Variants in RABEP1 observed in about 807,000 individuals in gnomAD.
RABEP1 encodes the protein rabaptin, RAB GTPase binding effector protein 1, also known as rab GTPase-binding effector protein 1.
Under a neutral mutation model 123.4 loss-of-function variants are expected in RABEP1, and 51 were observed. The observed-to-expected ratio is 0.41, with a 90% CI of 0.33 to 0.52. The LOEUF (loss-of-function observed/expected upper bound fraction) is 0.52. RABEP1 is among the 20% of genes least tolerant of loss of function. The pLI is 0.16. For synonymous variants in RABEP1, 347 were observed against 355.2 expected (o/e 0.98, Z 0.26); for missense variants, 888 against 996.3 (o/e 0.89, Z 1.46).
intron 7 of RABEP1, 143 bp downstream of exon 7, chr17:5,350,772 C>A: frequency 2.2e-6 from 2 of 907,480 alleles, no homozygotes; most frequent in Non-Finnish European, 3.3e-6. Flanking sequence ...AAAAACATAA[C>A]AGCTACATTT....
chr17:5,307,961 A>G (rs1712049364), intron 1 of RABEP1, among the ~76,000 whole-genome samples: 1 of 152,200 alleles, frequency 6.6e-6, no homozygotes, highest in South Asian at 2.1e-4. Flanking sequence ...GTATGGCTAC[A>G]CTAGTTAGGG....
chr17:5,368,406 A>G lies in RABEP1; in HGVS notation c.1822A>G (p.Ile608Val). ...CGTCCTAAGAGCCCAGGCCTCCGAG[A>G]TCTTACTTGAAGAGTTACAGCAGGG... ...ALVLRAQASE[I>V]LLEELQQGLS... The change falls in exon 12 of 18, where the codon ATC (isoleucine) becomes GTC (valine). Residue 608 changes from isoleucine to valine, a missense_variant. Physicochemically the swap from Ile to Val is conservative, Grantham distance 29 (BLOSUM62 3). Coordinates refer to ENST00000537505, the MANE Select transcript of RABEP1 (RefSeq NM_004703.6). The G allele has an allele frequency of 6.2e-7, 1 of 1,613,966 alleles. No individual in the cohort carries two copies. The highest frequency in any genetic ancestry group is 8.5e-7 in the Non-Finnish European group (1 of 1,179,936).
intron 15 of RABEP1, chr17:5,378,454 G>GT (rs1911181796): frequency 1.6e-6 from 1 of 626,934 alleles, no homozygotes; most frequent in Admixed American, 2.8e-5. Context: ...AGGCTAAGAT[G>GT]TGACTGTGGC....
chr17:5,297,788 T>C (rs996869847), intron 1 of RABEP1, among the ~76,000 whole-genome samples: 2 of 152,234 alleles, frequency 1.3e-5, no homozygotes, highest in African/African-American at 4.8e-5. Context: ...GTGGGAGGGC[T>C]GGGATTCAAA....
chr17:5,283,211 A>C (rs971605581), intron 1 of RABEP1, among the ~76,000 whole-genome samples: 2 of 152,142 alleles, frequency 1.3e-5, no homozygotes, highest in Non-Finnish European at 2.9e-5. Flanking sequence ...TGTATATACA[A>C]TAATAGTATT....
At chr17:5,338,277 A>T in intron 5 of RABEP1, 139 bp downstream of exon 5, 1 of 1,145,058 alleles carries the variant, frequency 8.7e-7, no homozygotes, top group Middle Eastern at 2.4e-4. Context: ...AAATGCAAAA[A>T]ACTGCCGGGC....
chr17:5,370,264 T>C (rs1194819338), intron 12 of RABEP1, among the ~76,000 whole-genome samples: 2 of 152,226 alleles, frequency 1.3e-5, no homozygotes, highest in African/African-American at 2.4e-5. Context: ...TTTGTGTTTT[T>C]TGCTGGACTG....
chr17:5,358,293 T>G (rs1211685594), intron 8 of RABEP1, among the ~76,000 whole-genome samples: 1 of 152,196 alleles, frequency 6.6e-6, no homozygotes, highest in African/African-American at 2.4e-5. Context: ...GTCATAATGT[T>G]ATATATAATT....
chr17:5,290,281 G>C (rs1178752064), intron 1 of RABEP1, among the ~76,000 whole-genome samples: 1 of 152,036 alleles, frequency 6.6e-6, no homozygotes, highest in African/African-American at 2.4e-5. Context: ...GTAGAGACGG[G>C]GTTTCACCGT....
intron 7 of RABEP1, among the ~76,000 whole-genome samples, chr17:5,351,059 G>C (rs982718874): frequency 6.6e-6 from 1 of 152,088 alleles, no homozygotes; most frequent in Non-Finnish European, 1.5e-5. Flanking sequence ...TAGCTCATCA[G>C]CTATCGTTAG....
chr17:5,295,792 A>G (rs960058263), intron 1 of RABEP1, among the ~76,000 whole-genome samples: 1 of 152,182 alleles, frequency 6.6e-6, no homozygotes, highest in Admixed American at 6.6e-5. Context: ...AAGGATGTCA[A>G]AGATCTGAGT....
At chr17:5,366,260 T>G (rs1386570080) in intron 11 of RABEP1, among the ~76,000 whole-genome samples, 1 of 152,234 alleles carries the variant, frequency 6.6e-6, no homozygotes, top group Non-Finnish European at 1.5e-5. Flanking sequence ...TTTTCATGTT[T>G]CTTGGCCATT....
At chr17:5,320,200 A>T (rs1597351927) in intron 2 of RABEP1, among the ~76,000 whole-genome samples, 1 of 152,132 alleles carries the variant, frequency 6.6e-6, no homozygotes. Context: ...TACAAACCAT[A>T]AAGGTAAGGA....
At chr17:5,287,453 G>A (rs979286393) in intron 1 of RABEP1, among the ~76,000 whole-genome samples, 2 of 151,898 alleles carry the variant, frequency 1.3e-5, no homozygotes, top group Non-Finnish European at 2.9e-5. Flanking sequence ...ACAAAAATTA[G>A]TCAGACATGG....
intron 2 of RABEP1, among the ~76,000 whole-genome samples, chr17:5,314,590 C>T (rs571816263): frequency 1.3e-5 from 2 of 150,512 alleles, no homozygotes; most frequent in African/African-American, 2.4e-5. Flanking sequence ...ACGATCTCGG[C>T]TCACTGCAAG....
intron 8 of RABEP1, 44 bp downstream of exon 8, chr17:5,354,534 A>G (rs369848688): frequency 1.3e-6 from 2 of 1,552,552 alleles, no homozygotes; most frequent in Non-Finnish European, 1.7e-6. Context: ...CACAATGTCA[A>G]CAATTTTAGC....
chr17:5,285,334 G>A (rs1283017120), intron 1 of RABEP1, among the ~76,000 whole-genome samples: 1 of 118,280 alleles, frequency 8.5e-6, no homozygotes, highest in South Asian at 2.6e-4. Context: ...GGGTCTCATT[G>A]TGTTGCCCAG....
intron 13 of RABEP1, among the ~76,000 whole-genome samples, chr17:5,376,146 C>T (rs1442213176): frequency 6.6e-6 from 1 of 152,148 alleles, no homozygotes; most frequent in Non-Finnish European, 1.5e-5. Context: ...CTGCCTAGTC[C>T]TAGATCTTAA....
At chr17:5,299,605 G>C (rs1213261635) in intron 1 of RABEP1, among the ~76,000 whole-genome samples, 1 of 149,530 alleles carries the variant, frequency 6.7e-6, no homozygotes, top group South Asian at 2.1e-4. Flanking sequence ...TTTTAGTCAC[G>C]GTTTTATTTT....
Sources: gnomAD v4.1 joint callset for allele counts (sites outside exome capture counted in the v4.1 genomes callset) on GRCh38, gnomAD v4.1.1 for gene constraint, MANE v1.5 for transcripts, NCBI Gene and HGNC (gene_info 2026-07-23, HGNC 2026-07-21) for gene names.